SYNE1: variants seen among roughly 807,000 people sequenced by gnomAD.
SYNE1 encodes the protein spectrin repeat containing nuclear envelope protein 1.
Under a neutral mutation model 1,111.0 loss-of-function variants are expected in SYNE1, and 616 were observed. That is an observed-to-expected ratio of 0.55 (90% confidence interval 0.52 to 0.59). SYNE1 has a LOEUF of 0.59. Ranked by LOEUF, SYNE1 falls within the 20% of genes least tolerant of loss-of-function variation. SYNE1 has a pLI of 0.00. For missense variants in SYNE1, 10,006 were observed against 10,417.0 expected (o/e 0.96, Z 1.72); for synonymous variants, 3,855 against 3,825.8 (o/e 1.01, Z -0.28).
rs558249570 is a variant in SYNE1 at position 152,373,044 on chromosome 6, G to A, written c.9500C>T (p.Ala3167Val). ...FHSNLHQKES[A>V]LENLKIQMKD... ...GTGGTTGGCTATATATACCTCTAGAGCAGATTCTTTTTGGTGGAGATTTGA... is the reference window on the plus strand; with the variant it reads ...GTGGTTGGCTATATATACCTCTAGAACAGATTCTTTTTGGTGGAGATTTGA... The change falls in exon 59 of 146, where the codon GCT (alanine) becomes GTT (valine). Residue 3167 changes from alanine (A) to valine (V), a missense_variant. By Grantham distance (64) the Ala-to-Val change is moderately conservative. Around this residue, in one of 7 missense-constraint regions of SYNE1, gnomAD observed 4,955 missense variants for 5,017.2 expected, o/e 0.99. Transcript: ENST00000367255. 29 of 1,613,924 alleles carry A rather than the reference G, an allele frequency of 1.8e-5. No homozygotes were observed. Among genetic ancestry groups the A allele is most frequent in the Non-Finnish European group, 2.5e-5 (29 of 1,179,974 alleles).
chr6:152,225,932 G>C, intron 115 of SYNE1, 56 bp from the exon 116 acceptor site: 1 of 1,563,372 alleles, frequency 6.4e-7, no homozygotes, highest in African/African-American at 1.4e-5. Flanking sequence ...ACTCTGGGGT[G>C]CACTGAAATT....
intron 34 of SYNE1, among the ~76,000 whole-genome samples, chr6:152,431,957 A>C (rs2098434286): frequency 1.3e-5 from 2 of 152,210 alleles, no homozygotes; most frequent in Admixed American, 1.3e-4. Context: ...AAGCACTAAT[A>C]ATTGTTCTAG....
chr6:152,486,042 A>G (rs1426087806), intron 12 of SYNE1, among the ~76,000 whole-genome samples: 2 of 152,078 alleles, frequency 1.3e-5, no homozygotes, highest in Admixed American at 6.6e-5. Context: ...TAAAAATACA[A>G]AAATTAGCTG....
intron 87 of SYNE1, among the ~76,000 whole-genome samples, chr6:152,312,889 C>T (rs1023400558): frequency 1.6e-4 from 24 of 152,092 alleles, no homozygotes; most frequent in Admixed American, 1.4e-3. Context: ...CAATCCAGAC[C>T]TCAAAAGCGG....
chr6:152,174,271 A>G (rs2813501), intron 130 of SYNE1, among the ~76,000 whole-genome samples: 25,550 of 152,204 alleles, frequency 0.17, 3,583 homozygotes, highest in African/African-American at 0.37. Flanking sequence ...AAGGACTTCA[A>G]TTCCTCCTTC....
intron 28 of SYNE1, among the ~76,000 whole-genome samples, chr6:152,448,437 G>T (rs117735559): frequency 0.056 from 8,523 of 152,266 alleles, 281 homozygotes; most frequent in Non-Finnish European, 0.068. Flanking sequence ...TCTAGGATGT[G>T]AATTTTTTTT....
intron 25 of SYNE1, among the ~76,000 whole-genome samples, chr6:152,452,142 T>C (rs996113221): frequency 2.6e-5 from 4 of 152,284 alleles, no homozygotes; most frequent in African/African-American, 9.6e-5. Context: ...TTTTAAATGA[T>C]AAACATAAGC....
intron 11 of SYNE1, among the ~76,000 whole-genome samples, chr6:152,491,458 C>A (rs939771526): frequency 3.9e-5 from 6 of 152,140 alleles, no homozygotes; most frequent in Non-Finnish European, 1.5e-5. Context: ...ACCCTCCATT[C>A]CCCCTTCTTC....
intron 3 of SYNE1, among the ~76,000 whole-genome samples, chr6:152,596,104 A>AG (rs2099580528): frequency 6.8e-6 from 1 of 146,748 alleles, no homozygotes; most frequent in African/African-American, 2.5e-5. Context: ...AATCTAAAAA[A>AG]AAAAAAAAAA....
At chr6:152,183,977 C>G (rs2153212788) in intron 128 of SYNE1, among the ~76,000 whole-genome samples, 1 of 152,312 alleles carries the variant, frequency 6.6e-6, no homozygotes, top group South Asian at 2.1e-4. Flanking sequence ...CAAGGTCCCT[C>G]ATTTTCTCTA....
intron 3 of SYNE1, among the ~76,000 whole-genome samples, chr6:152,605,584 G>C (rs777208632): frequency 6.6e-6 from 1 of 152,136 alleles, no homozygotes; most frequent in Non-Finnish European, 1.5e-5. Flanking sequence ...AAATGCATTA[G>C]AGCATTTCAG....
At position 152,148,985 on chromosome 6, in the gene SYNE1, G is replaced by A. The variant is rs993891473; in HGVS notation, c.24642+492C>T. Among the ~76,000 whole-genome samples, 1 of 152,050 alleles carries A rather than the reference G, an allele frequency of 6.6e-6. No individual in the cohort carries two copies. The highest frequency in any genetic ancestry group is 1.5e-5 in the Non-Finnish European group (1 of 68,016). On this transcript the variant is annotated intron_variant, in intron 136 of 145. Coordinates refer to ENST00000367255, the MANE Select transcript of SYNE1 (RefSeq NM_182961.4). The surrounding 1 kb of genome is among the most constrained non-coding windows in gnomAD (Gnocchi z 4.1). ...TCTCTATAAGTAAGATGTGATTATG[G>A]TAGCAATTAGGAAAATGGAAGAATG...
intron 7 of SYNE1, 45 bp from the exon 8 acceptor site, chr6:152,510,416 G>C: frequency 6.3e-7 from 1 of 1,592,458 alleles, no homozygotes; most frequent in Non-Finnish European, 8.6e-7. Flanking sequence ...CATTATCTTT[G>C]TTATTATTTC....
chr6:152,143,656 C>T lies in SYNE1; in HGVS notation c.25086G>A (p.Thr8362=), dbSNP rs377302991. 3.1e-5 allele frequency: 50 copies of T among 1,614,026 alleles called. No homozygotes were observed. The African/African-American group carries it at 4.0e-4, about 13-fold the overall frequency. ...TGTAGCTGGTGTCTAGCTCCGGCCC[C>T]GTGGGAGTTTTGCTGCGAATGATAT... The part of the protein sequence containing the change: ...TENIIRSKTP[T]GPELDTSYKG... The change falls in exon 138 of 146, where the codon ACG becomes ACA. Residue 8362 remains threonine, a synonymous_variant. Coordinates refer to ENST00000367255, the MANE Select transcript of SYNE1 (RefSeq NM_182961.4).
Position 152,268,297 on chromosome 6 carries a change from T to A in SYNE1, c.18706-132A>T, listed in dbSNP as rs1321818404. 8 of 718,934 alleles carry A rather than the reference T, an allele frequency of 1.1e-5. No homozygotes were observed. In the East Asian group the frequency reaches 2.1e-4, roughly 19 times the overall value. 44.5% of individuals were successfully genotyped at this position (718,934 alleles called of 1,614,324 possible). On this transcript the variant is annotated intron_variant, in intron 99 of 145. Coordinates refer to ENST00000367255, the MANE Select transcript of SYNE1 (RefSeq NM_182961.4). ...TTAAGTTTGCATATTGCATAAAGCA[T>A]GAGGTTTATGTAAATATTCAAATGT...
At chr6:152,277,258 CTTT>C in intron 98 of SYNE1, among the ~76,000 whole-genome samples, 1 of 112,606 alleles carries the variant, frequency 8.9e-6, no homozygotes, top group South Asian at 3.1e-4. Flanking sequence ...ACTCCTTTTT[CTTT>C]TTCTTTTTTT....
chr6:152,177,175 G>A (rs188823312), intron 129 of SYNE1, among the ~76,000 whole-genome samples: 77 of 152,116 alleles, frequency 5.1e-4, no homozygotes, highest in African/African-American at 6.3e-4. Flanking sequence ...ATAGAGAATC[G>A]ACAGGCCTCA....
intron 85 of SYNE1, 195 bp from the exon 86 acceptor site, chr6:152,318,458 T>C (rs1476459622): frequency 9.1e-6 from 6 of 660,012 alleles, no homozygotes; most frequent in Non-Finnish European, 1.6e-5. Flanking sequence ...TGGTGTTTAT[T>C]TCCTATGAGG....
chr6:152,597,622 ATGAG>A (rs1302252180), intron 3 of SYNE1, among the ~76,000 whole-genome samples: 1 of 152,178 alleles, frequency 6.6e-6, no homozygotes, highest in Non-Finnish European at 1.5e-5. Context: ...TGTGTTCAGA[ATGAG>A]TGAGCACAAA....
Sources: allele counts gnomAD v4.1 joint callset (sites outside exome capture counted in the v4.1 genomes callset), GRCh38; gene constraint gnomAD v4.1.1; regional missense constraint gnomAD v4.1.1; non-coding constraint Gnocchi (gnomAD v3.1); transcripts MANE v1.5; gene names NCBI Gene and HGNC (gene_info 2026-07-23, HGNC 2026-07-21).